Variants in SKAP2 observed in about 807,000 individuals in gnomAD.
SKAP2 encodes src kinase-associated phosphoprotein 2.
Under a neutral mutation model 54.9 loss-of-function variants are expected in SKAP2, and 28 were observed. That is an observed-to-expected ratio of 0.51 (90% CI 0.38 to 0.70). SKAP2 has a LOEUF of 0.70. SKAP2 is among the 30% of genes least tolerant of loss of function. SKAP2 has a pLI of 0.00. For missense variants in SKAP2, 356 were observed against 424.1 expected, an observed-to-expected ratio of 0.84 and a Z score of 1.41; for synonymous variants, 137 against 134.3, an observed-to-expected ratio of 1.02 and a Z score of -0.14.
chr7:26,782,595 G>A (rs1048102933), intron 4 of SKAP2, among the ~76,000 whole-genome samples: 6 of 152,096 alleles, frequency 3.9e-5, no homozygotes, highest in Admixed American at 2.6e-4. Context: ...GGAGGCTGAG[G>A]TGGGTAGATC....
At chr7:26,849,345 C>T (rs774523710) in intron 3 of SKAP2, among the ~76,000 whole-genome samples, 1 of 151,942 alleles carries the variant, frequency 6.6e-6, no homozygotes, top group Non-Finnish European at 1.5e-5. Flanking sequence ...GAAAATGAGA[C>T]TTTTATCTAT....
At chr7:26,727,944 C>T (rs1350669089) in intron 6 of SKAP2, among the ~76,000 whole-genome samples, 1 of 152,052 alleles carries the variant, frequency 6.6e-6, no homozygotes, top group Non-Finnish European at 1.5e-5. Flanking sequence ...GAAATGCTTT[C>T]GTGTTGTGGG....
chr7:26,810,357 AAAAC>A (rs1784117082), intron 4 of SKAP2, among the ~76,000 whole-genome samples: 1 of 152,134 alleles, frequency 6.6e-6, no homozygotes, highest in Non-Finnish European at 1.5e-5. Flanking sequence ...GAAAACAAGA[AAAAC>A]AAAAAAGTCA....
At chr7:26,767,571 C>A (rs1370778822) in intron 4 of SKAP2, among the ~76,000 whole-genome samples, 2 of 152,298 alleles carry the variant, frequency 1.3e-5, no homozygotes, top group Middle Eastern at 3.4e-3. Context: ...GATTTTAGAT[C>A]TTTTCTACTT....
At chr7:26,774,950 G>C (rs1783271696) in intron 4 of SKAP2, among the ~76,000 whole-genome samples, 1 of 152,132 alleles carries the variant, frequency 6.6e-6, no homozygotes, top group Non-Finnish European at 1.5e-5. Context: ...ATGTTGATTT[G>C]GACTAAAGAG....
chr7:26,679,774 CA>C (rs1448747766), intron 11 of SKAP2, among the ~76,000 whole-genome samples: 4 of 151,752 alleles, frequency 2.6e-5, no homozygotes, highest in African/African-American at 4.8e-5. Flanking sequence ...GGTTTGAAGC[CA>C]AAAAAAGCCA....
In SKAP2 at chr7:26,739,866, TC is replaced by T; in HGVS notation, c.385+20del. 1 of 1,554,112 alleles carries T rather than the reference TC, an allele frequency of 6.4e-7. No individual in the cohort carries two copies. The highest frequency in any genetic ancestry group is 8.9e-7 in the Non-Finnish European group (1 of 1,128,742). On this transcript the variant is annotated intron_variant, in intron 5 of 12. Coordinates refer to ENST00000345317, the MANE Select transcript of SKAP2 (RefSeq NM_003930.5). The stretch of plus-strand genomic sequence containing the variant: ...AAGGATGAAATTATTTTTACATTTT[TC>T]ATTAGAACCTTCAGTTTACCTTTTC...
intron 4 of SKAP2, among the ~76,000 whole-genome samples, chr7:26,812,024 C>T (rs1784156764): frequency 6.6e-6 from 1 of 151,976 alleles, no homozygotes; most frequent in Non-Finnish European, 1.5e-5. Flanking sequence ...AATTTAAAAC[C>T]ACTCTTAAAA....
At chr7:26,715,446 T>C (rs1323305093) in intron 9 of SKAP2, among the ~76,000 whole-genome samples, 1 of 152,018 alleles carries the variant, frequency 6.6e-6, no homozygotes, top group Non-Finnish European at 1.5e-5. Flanking sequence ...TATAGTTCTG[T>C]CATCTCCAGT....
At chr7:26,802,496 C>T (rs1157370215) in intron 4 of SKAP2, among the ~76,000 whole-genome samples, 1 of 152,024 alleles carries the variant, frequency 6.6e-6, no homozygotes, top group East Asian at 1.9e-4. Context: ...GTCTCGAGCT[C>T]CCGACCTCAG....
intron 4 of SKAP2, among the ~76,000 whole-genome samples, chr7:26,812,440 T>C (rs1251386087): frequency 1.3e-5 from 2 of 152,082 alleles, no homozygotes; most frequent in East Asian, 3.9e-4. Context: ...ATTACGGAAA[T>C]TCTCATATCT....
At chr7:26,826,667 T>C (rs1230758939) in intron 4 of SKAP2, among the ~76,000 whole-genome samples, 5 of 152,218 alleles carry the variant, frequency 3.3e-5, no homozygotes, top group South Asian at 4.1e-4. Flanking sequence ...TACCGTCTTC[T>C]TTCTCCTTCT....
At chr7:26,761,461 C>T (rs979713639) in intron 4 of SKAP2, among the ~76,000 whole-genome samples, 2 of 152,086 alleles carry the variant, frequency 1.3e-5, no homozygotes, top group African/African-American at 4.8e-5. Flanking sequence ...TTTTCAGATA[C>T]TAAGCAAAAT....
intron 4 of SKAP2, among the ~76,000 whole-genome samples, chr7:26,823,975 C>T (rs1005358674): frequency 1.3e-5 from 2 of 152,146 alleles, no homozygotes; most frequent in Non-Finnish European, 2.9e-5. Context: ...ATAACATAAT[C>T]GTAGTTGATA....
chr7:26,766,015 A>T (rs945427218), intron 4 of SKAP2, among the ~76,000 whole-genome samples: 1 of 152,242 alleles, frequency 6.6e-6, no homozygotes, highest in Non-Finnish European at 1.5e-5. Flanking sequence ...AAGAAAGTCA[A>T]TGGTAGCTTG....
At position 26,825,404 on chromosome 7, in the gene SKAP2, A is replaced by T. The variant is rs1305639774; in HGVS notation, c.307+18626T>A. Among the ~76,000 whole-genome samples, 4 of 152,182 alleles carry T rather than the reference A, an allele frequency of 2.6e-5. No individual in the cohort carries two copies. In the East Asian group the frequency reaches 7.7e-4, roughly 29 times the overall value. ...AATAAAAAGCATGTCTATCCAAGAC[A>T]AATTAAATTCAAACAATCTAAAAAT... is the stretch of plus-strand genomic sequence containing the variant. On this transcript the variant is annotated intron_variant, in intron 4 of 12. Coordinates refer to ENST00000345317, the MANE Select transcript of SKAP2 (RefSeq NM_003930.5).
downstream of SKAP2, among the ~76,000 whole-genome samples, chr7:26,666,466 A>G (rs970941348): frequency 6.6e-6 from 1 of 152,174 alleles, no homozygotes; most frequent in South Asian, 2.1e-4. Context: ...CATAAGAACT[A>G]AGAGTGAGCC....
chr7:26,810,832 C>T (rs1469533295), intron 4 of SKAP2, among the ~76,000 whole-genome samples: 1 of 152,134 alleles, frequency 6.6e-6, no homozygotes, highest in African/African-American at 2.4e-5. Context: ...CAGGCACACG[C>T]CACCATGCCT....
chr7:26,824,994 C>T (rs182884720), intron 4 of SKAP2, among the ~76,000 whole-genome samples: 45 of 152,190 alleles, frequency 3.0e-4, no homozygotes, highest in South Asian at 1.9e-3. Flanking sequence ...CATTATATGA[C>T]GTTCTTTTTA....
Sources: allele counts gnomAD v4.1 joint callset (sites outside exome capture counted in the v4.1 genomes callset), GRCh38; gene constraint gnomAD v4.1.1; transcripts MANE v1.5; gene names NCBI Gene and HGNC (gene_info 2026-07-23, HGNC 2026-07-21).